SLC26A1: variants seen among roughly 807,000 people sequenced by gnomAD.
The protein encoded by SLC26A1 is sulfate anion transporter 1.
A neutral mutation model predicts 14.5 loss-of-function variants in SLC26A1; 18 were observed. The ratio of observed to expected loss-of-function variants is 1.24; its 90% CI spans 0.86 to 1.84. The LOEUF (loss-of-function observed/expected upper bound fraction) is 1.84. SLC26A1 is among the 40% of genes most tolerant of loss of function. The probability of loss-of-function intolerance (pLI) is 0.00; values close to 1 mark genes in which losing one functional copy is unlikely to be tolerated. For missense variants in SLC26A1, 1,049 were observed against 1,020.0 expected (o/e 1.03, Z -0.39); for synonymous variants, 505 against 492.0 (o/e 1.03, Z -0.35).
chr4:989,124 T>C lies in SLC26A1; in HGVS notation c.1815A>G (p.Ala605=), dbSNP rs2153016333. The stretch of plus-strand genomic sequence containing the variant: ...TGACCACTGTGTGGAAGCCGGCCGC[T>C]GCGGGCACCAGCGCAGCCCTGGTGC... ...PVSTRAALVP[A]AAGFHTVVID... The change falls in exon 3 of 3, where the codon GCA becomes GCG. Residue 605 remains alanine (A), a synonymous_variant. Coordinates refer to ENST00000398516, the MANE Select transcript of SLC26A1 (RefSeq NM_022042.4). 1 of 1,606,836 alleles carries C rather than the reference T, an allele frequency of 6.2e-7. No homozygotes were observed. Among genetic ancestry groups the C allele is most frequent in the Non-Finnish European group, 8.5e-7 (1 of 1,176,730 alleles).
At chr4:991,946 A>T in intron 1 of SLC26A1, 1 of 856,238 alleles carries the variant, frequency 1.2e-6, no homozygotes. Flanking sequence ...GTGAGGTGAG[A>T]TGGGATTACG....
chr4:987,722 G>T lies in SLC26A1; in HGVS notation c.*1111C>A. Reference sequence around the variant, plus strand: ...CGGGCAGCGCCTGGATCCTGCGCCCGGGCAGTCCTGGGCTTGAACGTGTGT... The same window carrying T: ...CGGGCAGCGCCTGGATCCTGCGCCCTGGCAGTCCTGGGCTTGAACGTGTGT... On this transcript the variant is annotated 3_prime_UTR_variant, in exon 3 of 3. Coordinates refer to ENST00000398516, the MANE Select transcript of SLC26A1 (RefSeq NM_022042.4). The T allele has an allele frequency of 6.3e-7, 1 of 1,585,812 alleles. No homozygotes were observed. Among genetic ancestry groups the T allele is most frequent in the South Asian group, 1.1e-5 (1 of 88,266 alleles).
Position 990,146 on chromosome 4 carries a change from C to G in SLC26A1, c.793G>C (p.Val265Leu). The G allele has an allele frequency of 1.3e-6, 2 of 1,566,492 alleles. No individual in the cohort carries two copies. Among genetic ancestry groups the G allele is most frequent in the Non-Finnish European group, 1.7e-6 (2 of 1,156,994 alleles). ...ACCGCCAGGCACACCGTGCTGGTGACCACGTCGCACACGTTGGCCTGCCCG... is the reference window on the plus strand; with the variant it reads ...ACCGCCAGGCACACCGTGCTGGTGAGCACGTCGCACACGTTGGCCTGCCCG... Reference protein sequence around the residue: ...GAGQANVCDVVTSTVCLAVLL... With the variant: ...GAGQANVCDVLTSTVCLAVLL... Residue 265 changes from valine to leucine, a missense_variant, in exon 3 of 3, where the codon GTC becomes CTC. Coordinates refer to ENST00000398516, the MANE Select transcript of SLC26A1 (RefSeq NM_022042.4).
Position 988,445 on chromosome 4 carries a change from A to C in SLC26A1, c.*388T>G. 1 of 1,060,982 alleles carries C rather than the reference A, an allele frequency of 9.4e-7. No homozygotes were observed. The highest frequency in any genetic ancestry group is 7.6e-5 in the East Asian group (1 of 13,186). 65.7% of individuals were successfully genotyped at this position (1,060,982 alleles called of 1,614,324 possible). On this transcript the variant is annotated 3_prime_UTR_variant, in exon 3 of 3. Coordinates refer to ENST00000398516, the MANE Select transcript of SLC26A1 (RefSeq NM_022042.4). Reference sequence around the variant, plus strand: ...GCTGGCTCCTACCAGCAGGGTGGGCACCGGGCAGGCCTGGGCATAGGGAGT... The same window carrying C: ...GCTGGCTCCTACCAGCAGGGTGGGCCCCGGGCAGGCCTGGGCATAGGGAGT...
chr4:980,357 G>A (rs1713500999), intron 2 of SLC26A1, among the ~76,000 whole-genome samples: 2 of 152,118 alleles, frequency 1.3e-5, no homozygotes, highest in African/African-American at 2.4e-5. Flanking sequence ...AGGCTGAAGT[G>A]GGCAGATCAC....
downstream of SLC26A1, among the ~76,000 whole-genome samples, chr4:983,353 T>A (rs1409009145): frequency 6.6e-6 from 1 of 152,144 alleles, no homozygotes; most frequent in African/African-American, 2.4e-5. Context: ...AACCTAAAAG[T>A]ATGACTCTAA....
intron 2 of SLC26A1, chr4:979,547 C>T: frequency 6.2e-7 from 1 of 1,609,370 alleles, no homozygotes; most frequent in Middle Eastern, 1.7e-4. Flanking sequence ...AGGCCGCTGA[C>T]CCGCTGACGT....
chr4:989,019 C>T lies in SLC26A1; in HGVS notation c.1920G>A (p.Leu640=), dbSNP rs1264152153. The T allele has an allele frequency of 6.3e-7, 1 of 1,586,744 alleles. No individual in the cohort carries two copies. The highest frequency in any genetic ancestry group is 2.3e-5 in the East Asian group (1 of 43,158). ...AGCAGGCTAGCAGCAGGCTGATGCCCAGGGCCCCGTAGTCTCGGCGCAGGT... is the reference window on the plus strand; with the variant it reads ...AGCAGGCTAGCAGCAGGCTGATGCCTAGGGCCCCGTAGTCTCGGCGCAGGT... ...LQDLRRDYGA[L]GISLLLACCS... is the part of the protein sequence containing the mutation. The change falls in exon 3 of 3, where the codon CTG becomes CTA. Residue 640 remains leucine, a synonymous_variant. Transcript: ENST00000398516.
In SLC26A1 at chr4:989,135, G is replaced by A. The variant is rs1397377469; in HGVS notation, c.1804C>T (p.Leu602=). The part of the protein sequence containing the change: ...DLGPVSTRAA[L]VPAAAGFHTV... The stretch of plus-strand genomic sequence containing the variant: ...TGGAAGCCGGCCGCTGCGGGCACCA[G>A]CGCAGCCCTGGTGCTAACCGGGCCC... Residue 602 remains leucine, a synonymous_variant, in exon 3 of 3, where the codon CTG becomes TTG. Coordinates refer to ENST00000398516, the MANE Select transcript of SLC26A1 (RefSeq NM_022042.4). 6.2e-7 allele frequency: 1 copy of A among 1,607,508 alleles called. No individual in the cohort carries two copies. Among genetic ancestry groups the A allele is most frequent in the Non-Finnish European group, 8.5e-7 (1 of 1,176,940 alleles).
rs138353078 is a variant in SLC26A1, at chr4:989,333, C to T, written c.1606G>A (p.Gly536Ser). 7.7e-5 allele frequency: 124 copies of T among 1,607,228 alleles called. No homozygotes were observed. Among genetic ancestry groups the T allele is most frequent in the South Asian group, 2.6e-4 (23 of 90,080 alleles). Residue 536 changes from glycine to serine, a missense_variant, in exon 3 of 3, where the codon GGC (glycine) becomes AGC (serine). By Grantham distance (56) the Gly-to-Ser change is moderately conservative. Coordinates refer to ENST00000398516, the MANE Select transcript of SLC26A1 (RefSeq NM_022042.4). ...CCCCCAAAGCGGAACACCCGCACGC[C>T]GGGCTCAGGGACGAGGCCCTCGAAC... ...TEFEGLVPEP[G>S]VRVFRFGGPL... is the part of the protein sequence containing the mutation.
At chr4:990,447 G>C in intron 2 of SLC26A1, 85 bp from the exon 3 acceptor site, 1 of 1,325,566 alleles carries the variant, frequency 7.5e-7, no homozygotes, top group Non-Finnish European at 1.0e-6. Context: ...CCGAGGGGTG[G>C]TGGTCACGGC....
In SLC26A1 at chr4:989,045, C is replaced by G; in HGVS notation, c.1894G>C (p.Asp632His). The G allele has an allele frequency of 6.3e-7, 1 of 1,582,544 alleles. No homozygotes were observed. Among genetic ancestry groups the G allele is most frequent in the South Asian group, 1.1e-5 (1 of 87,436 alleles). The change falls in exon 3 of 3, where the codon GAC becomes CAC. Residue 632 changes from aspartate to histidine, a missense_variant. Physicochemically the swap from Asp to His is moderately conservative, Grantham distance 81. Transcript: ENST00000398516. ...AGGGCCCCGTAGTCTCGGCGCAGGT[C>G]CTGCAGCGTGCTCACACCGGCTGCG... ...LDAAGVSTLQ[D>H]LRRDYGALGI...
intron 2 of SLC26A1, among the ~76,000 whole-genome samples, chr4:980,656 C>T (rs999803840): frequency 3.3e-5 from 5 of 150,346 alleles, no homozygotes; most frequent in Non-Finnish European, 5.9e-5. Context: ...AAAAATTCTA[C>T]GCACCTTGAG....
At position 979,954 on chromosome 4, in the gene SLC26A1, G is replaced by A. The variant is rs28695989; in HGVS notation, c.577-450C>T. Among the ~76,000 whole-genome samples the A allele has an allele frequency of 3.6e-3, 548 of 152,360 alleles. 4 individuals carry two copies. The highest frequency in any genetic ancestry group is 0.013 in the African/African-American group (533 of 41,582). On this transcript the variant is annotated intron_variant, in intron 2 of 2. Coordinates refer to the SLC26A1 transcript ENST00000398520. ...AGTCAGGTGCGGTAAGGTGGCAGAC[G>A]TGGAGACAACTTCCTGCAAAGAAGA...
intron 2 of SLC26A1, chr4:990,773 TC>T (rs1355658169): frequency 2.7e-6 from 1 of 375,210 alleles, no homozygotes; most frequent in East Asian, 4.6e-5. Context: ...CAGGAGACCT[TC>T]GGGGGTGGGG....
chr4:983,716 C>T (rs887127081), downstream of SLC26A1, among the ~76,000 whole-genome samples: 1 of 152,238 alleles, frequency 6.6e-6, no homozygotes, highest in Non-Finnish European at 1.5e-5. Flanking sequence ...AGTGAAACTT[C>T]AGAAAGGCAG....
downstream of SLC26A1, among the ~76,000 whole-genome samples, chr4:982,958 C>T (rs1182680116): frequency 4.6e-5 from 7 of 152,260 alleles, no homozygotes; most frequent in African/African-American, 4.8e-5. Flanking sequence ...ATCATCTCTA[C>T]GTCTTGGATG....
chr4:985,300 A>G (rs2153014590), downstream of SLC26A1, among the ~76,000 whole-genome samples: 1 of 152,324 alleles, frequency 6.6e-6, no homozygotes, highest in East Asian at 1.9e-4. Context: ...TCGCCGCCCC[A>G]AAGCGGGCCC....
At chr4:987,508 G>T, downstream of SLC26A1, 1 of 832,326 alleles carries the variant, frequency 1.2e-6, no homozygotes, top group Non-Finnish European at 1.8e-6. Context: ...GGGAGTGGAC[G>T]GCCCTGCAGC....
Sources: gnomAD v4.1 joint callset for allele counts (sites outside exome capture counted in the v4.1 genomes callset) on GRCh38, gnomAD v4.1.1 for gene constraint, MANE v1.5 for transcripts, NCBI Gene and HGNC (gene_info 2026-07-23, HGNC 2026-07-21) for gene names.